The following SLC22A4 variants were observed in gnomAD, a reference collection of about 807,000 sequenced individuals.
SLC22A4 encodes solute carrier family 22 member 4.
A neutral mutation model predicts 56.6 loss-of-function variants in SLC22A4; 39 were observed. That is an observed-to-expected ratio of 0.69 (90% CI 0.53 to 0.90). The LOEUF is 0.90. Among genes scored for constraint, SLC22A4 ranks in the 40% least tolerant of loss-of-function variants. The probability of loss-of-function intolerance (pLI) is 0.00; values close to 1 mark genes in which losing one functional copy is unlikely to be tolerated. For synonymous variants in SLC22A4, 241 were observed against 281.4 expected (o/e 0.86, Z 1.44); for missense variants, 594 against 696.5 (o/e 0.85, Z 1.66).
chr5:132,313,082 G>A (rs557055420), intron 2 of SLC22A4, among the ~76,000 whole-genome samples: 161 of 152,290 alleles, frequency 1.1e-3, no homozygotes, highest in African/African-American at 3.6e-3. Flanking sequence ...TTTGTTGCAC[G>A]CTACTCATCT....
At position 132,298,285 on chromosome 5, in the gene SLC22A4, A is replaced by T. The variant is rs1452303661; in HGVS notation, c.393+3276A>T. Among the ~76,000 whole-genome samples the T allele has an allele frequency of 2.0e-5, 3 of 152,246 alleles. No homozygotes were observed. The East Asian group carries it at 5.8e-4, about 29-fold the overall frequency. The stretch of plus-strand genomic sequence containing the variant: ...TAAACATAATGTGGTATATGCGTAC[A>T]ATGGACGATTATTCAGCTTTAAAAA... On this transcript the variant is annotated intron_variant, in intron 1 of 9. Transcript: ENST00000200652.
intron 3 of SLC22A4, 56 bp downstream of exon 3, chr5:132,313,824 G>C: frequency 6.4e-7 from 1 of 1,555,462 alleles, no homozygotes; most frequent in Non-Finnish European, 8.9e-7. Flanking sequence ...GAAAGGCCCA[G>C]AAAGAGGAAA....
At position 132,294,511 on chromosome 5, in the gene SLC22A4, C is replaced by G; in HGVS notation, c.-106C>G. ...CCAATTTCTAACAGCCTGCCTGTCC[C>G]CCGGGAACGTTCTAACATCCTTGGG... On this transcript the variant is annotated 5_prime_UTR_variant, in exon 1 of 10. Coordinates refer to ENST00000200652, the MANE Select transcript of SLC22A4 (RefSeq NM_003059.3). This position sits in a 1 kb window ranked among gnomAD's most constrained non-coding sequence, Gnocchi z 5.6. The G allele has an allele frequency of 6.6e-7, 1 of 1,519,588 alleles. No homozygotes were observed. Among genetic ancestry groups the G allele is most frequent in the East Asian group, 2.3e-5 (1 of 43,858 alleles). The allele number at this position is 1,519,588 out of a possible 1,614,324, so 94.1% of individuals were successfully genotyped here. A position where few individuals can be genotyped will look rare whatever the true frequency, so the allele number is the denominator to read the frequency against.
intron 5 of SLC22A4, among the ~76,000 whole-genome samples, chr5:132,328,883 G>A (rs272890): frequency 0.11 from 10,936 of 96,776 alleles, 727 homozygotes; most frequent in East Asian, 0.29. Context: ...ATATAAATGT[G>A]TATATATATG....
At chr5:132,339,110 G>C (rs886404830) in intron 8 of SLC22A4, among the ~76,000 whole-genome samples, 17 of 152,162 alleles carry the variant, frequency 1.1e-4, no homozygotes, top group Admixed American at 1.1e-3. Context: ...TTCTGCCATG[G>C]CTTCAGCCAG....
At chr5:132,323,442 A>G (rs1366912908) in intron 4 of SLC22A4, among the ~76,000 whole-genome samples, 1 of 152,214 alleles carries the variant, frequency 6.6e-6, no homozygotes, top group Non-Finnish European at 1.5e-5. Context: ...AAGCCCCTGT[A>G]TTCTCATGAC....
chr5:132,296,065 G>A (rs1017718237), intron 1 of SLC22A4, among the ~76,000 whole-genome samples: 1 of 152,190 alleles, frequency 6.6e-6, no homozygotes, highest in Admixed American at 6.5e-5. Context: ...TAGCAATAGG[G>A]TTCTGGAACC....
At chr5:132,305,056 G>A (rs1178954096) in intron 1 of SLC22A4, among the ~76,000 whole-genome samples, 1 of 152,208 alleles carries the variant, frequency 6.6e-6, no homozygotes, top group Non-Finnish European at 1.5e-5. Flanking sequence ...CCCAGCCTGG[G>A]CAACAGAAAG....
At chr5:132,332,736 A>G (rs1750902288) in intron 6 of SLC22A4, among the ~76,000 whole-genome samples, 1 of 122,068 alleles carries the variant, frequency 8.2e-6, no homozygotes, top group South Asian at 2.4e-4. Context: ...GGCAGCACAC[A>G]CACACACACA....
chr5:132,327,213 C>A, intron 4 of SLC22A4, 64 bp from the exon 5 acceptor site: 3 of 1,275,464 alleles, frequency 2.4e-6, no homozygotes, highest in Admixed American at 2.5e-5. Context: ...GGGGGAAACT[C>A]AGATTTAATA....
Position 132,313,500 on chromosome 5 carries a change from A to T in SLC22A4, c.498-114A>T, listed in dbSNP as rs1750242725. ...GATGGGAGGATGTGACAGAGAAAAAAGTCTGCCAGAGCCCTGAAAAAACAC... is the reference window on the plus strand; with the variant it reads ...GATGGGAGGATGTGACAGAGAAAAATGTCTGCCAGAGCCCTGAAAAAACAC... On this transcript the variant is annotated intron_variant, in intron 2 of 9. Transcript: ENST00000200652. 3 of 929,310 alleles carry T rather than the reference A, an allele frequency of 3.2e-6. No individual in the cohort carries two copies. In the African/African-American group the frequency reaches 4.9e-5, roughly 15 times the overall value. The allele number at this position is 929,310 out of a possible 1,614,324, so 57.6% of individuals were successfully genotyped here.
Position 132,294,544 on chromosome 5 carries a change from C to T in SLC22A4, c.-73C>T, listed in dbSNP as rs186843819. On this transcript the variant is annotated 5_prime_UTR_variant, in exon 1 of 10. Coordinates refer to ENST00000200652, the MANE Select transcript of SLC22A4 (RefSeq NM_003059.3). This position sits in a 1 kb window ranked among gnomAD's most constrained non-coding sequence, Gnocchi z 5.6. ...CGTTCTAACATCCTTGGGGAGCGCC[C>T]CAGCTACAAGACACTGTCCTGAGAA... 1.9e-4 allele frequency: 308 copies of T among 1,607,238 alleles called. 1 individual carries two copies. In the East Asian group the frequency reaches 6.7e-3, roughly 35 times the overall value.
At chr5:132,295,177 C>T (rs1378381570) in intron 1 of SLC22A4, 168 bp downstream of exon 1, 2 of 809,620 alleles carry the variant, frequency 2.5e-6, no homozygotes, top group Admixed American at 2.0e-5. Context: ...ATAGGACTCA[C>T]GCGAGGCGCA....
chr5:132,315,617 G>A lies in SLC22A4; in HGVS notation c.652+1849G>A, dbSNP rs548535335. Among the ~76,000 whole-genome samples, 101 of 152,308 alleles carry A rather than the reference G, an allele frequency of 6.6e-4. 2 individuals are homozygous for A. The South Asian group carries it at 0.012, about 18-fold the overall frequency. On this transcript the variant is annotated intron_variant, in intron 3 of 9. Transcript: ENST00000200652. ...CATGCAGCATGTGGTCCCACATGCA[G>A]GGTGAAGAAGGGTAAGAGGGCCAAG...
At position 132,335,395 on chromosome 5, in the gene SLC22A4, C is replaced by T. The variant is rs567175707; in HGVS notation, c.1262-423C>T. On this transcript the variant is annotated intron_variant, in intron 7 of 9. Transcript: ENST00000200652. ...GCTTCCCTTTTCCCCTTGTGTCTGA[C>T]GTTCTCATAATATTAAAATGTCACT... Among the ~76,000 whole-genome samples, 18 of 152,256 alleles carry T rather than the reference C, an allele frequency of 1.2e-4. 1 individual carries two copies. The highest frequency in any genetic ancestry group is 8.5e-4 in the Admixed American group (13 of 15,282).
chr5:132,323,401 C>T (rs934256009), intron 4 of SLC22A4, among the ~76,000 whole-genome samples: 11 of 152,300 alleles, frequency 7.2e-5, no homozygotes, highest in East Asian at 1.9e-4. Flanking sequence ...ACCTGTCTGA[C>T]GAGATAGCGC....
intron 3 of SLC22A4, among the ~76,000 whole-genome samples, chr5:132,319,008 G>A (rs1004742922): frequency 1.3e-5 from 2 of 152,134 alleles, no homozygotes; most frequent in African/African-American, 4.8e-5. Context: ...GAGGGGTCTG[G>A]CTGGCTTCCA....
intron 4 of SLC22A4, among the ~76,000 whole-genome samples, chr5:132,324,217 T>C (rs1414427235): frequency 7.0e-6 from 1 of 142,588 alleles, no homozygotes; most frequent in African/African-American, 2.7e-5. Flanking sequence ...TCAATCTGAT[T>C]AAGGTATGAT....
chr5:132,340,895 C>A (rs1751197860), intron 9 of SLC22A4, among the ~76,000 whole-genome samples, 195 bp downstream of exon 9: 1 of 152,072 alleles, frequency 6.6e-6, no homozygotes, highest in South Asian at 2.1e-4. Context: ...GCAGGTGGAT[C>A]ACCTGAGGTC....
Sources: gnomAD v4.1 joint callset for allele counts (sites outside exome capture counted in the v4.1 genomes callset) on GRCh38, gnomAD v4.1.1 for gene constraint, Gnocchi (gnomAD v3.1) non-coding constraint, MANE v1.5 for transcripts, NCBI Gene and HGNC (gene_info 2026-07-23, HGNC 2026-07-21) for gene names.